ZRANB3: variants seen among roughly 807,000 people sequenced by gnomAD.
ZRANB3 encodes the protein DNA annealing helicase and endonuclease ZRANB3.
Under a neutral mutation model 133.8 loss-of-function variants are expected in ZRANB3, and 125 were observed. The ratio of observed to expected loss-of-function variants is 0.93; its 90% CI spans 0.81 to 1.08. ZRANB3 has a LOEUF of 1.08. ZRANB3 is among the 50% of genes least tolerant of loss of function. ZRANB3 has a pLI of 0.00. For synonymous variants in ZRANB3, 387 were observed against 432.7 expected (o/e 0.89, Z 1.31); for missense variants, 1,229 against 1,275.5 (o/e 0.96, Z 0.56).
intron 3 of ZRANB3, among the ~76,000 whole-genome samples, chr2:135,386,736 A>G (rs1005794535): frequency 1.3e-5 from 2 of 152,206 alleles, no homozygotes; most frequent in African/African-American, 2.4e-5. Flanking sequence ...GCAAACTATC[A>G]CAAAGACAGA....
intron 6 of ZRANB3, among the ~76,000 whole-genome samples, chr2:135,336,012 T>C (rs557290914): frequency 9.8e-5 from 15 of 152,320 alleles, no homozygotes; most frequent in South Asian, 8.3e-4. Context: ...GCTTTAACAA[T>C]TGATCATTCA....
chr2:135,253,634 C>T (rs1003417291), intron 12 of ZRANB3, among the ~76,000 whole-genome samples: 1 of 152,156 alleles, frequency 6.6e-6, no homozygotes, highest in Non-Finnish European at 1.5e-5. Flanking sequence ...GTACTGAATA[C>T]TATAGGTAAC....
chr2:135,522,039 T>C (rs1396468590), intron 1 of ZRANB3, among the ~76,000 whole-genome samples: 1 of 152,128 alleles, frequency 6.6e-6, no homozygotes, highest in African/African-American at 2.4e-5. Flanking sequence ...ATGCCACAGG[T>C]TGCTCAGGGA....
At chr2:135,471,921 T>C (rs1274640443) in intron 2 of ZRANB3, among the ~76,000 whole-genome samples, 1 of 152,228 alleles carries the variant, frequency 6.6e-6, no homozygotes, top group Non-Finnish European at 1.5e-5. Context: ...TTGAATTATT[T>C]ATCATGAAGA....
chr2:135,405,442 A>C (rs1483309029), intron 2 of ZRANB3, among the ~76,000 whole-genome samples: 6 of 152,188 alleles, frequency 3.9e-5, no homozygotes, highest in African/African-American at 1.4e-4. Context: ...ATATCCAGGA[A>C]TTAAATACAG....
intron 8 of ZRANB3, among the ~76,000 whole-genome samples, chr2:135,291,823 C>T (rs1054061255): frequency 2.0e-5 from 3 of 151,638 alleles, no homozygotes; most frequent in Non-Finnish European, 4.4e-5. Context: ...TCAATTCCCA[C>T]CTATGAGTGA....
rs140110580 is a variant in ZRANB3 at position 135,394,271 on chromosome 2, T to A, written c.162-3451A>T. On this transcript the variant is annotated intron_variant, in intron 2 of 20. Transcript: ENST00000264159. ...AATTACACCACTAAAGCAAACCATT[T>A]CAGTAAAAATACCTGAGAAAATAAC... Among the ~76,000 whole-genome samples, 22 of 152,296 alleles carry A rather than the reference T, an allele frequency of 1.4e-4. No individual in the cohort carries two copies. In the East Asian group the frequency reaches 4.2e-3, roughly 29 times the overall value.
chr2:135,224,541 C>A (rs1254371985), intron 14 of ZRANB3, 24 bp from the exon 15 acceptor site: 1 of 1,578,412 alleles, frequency 6.3e-7, no homozygotes, highest in East Asian at 2.2e-5. Flanking sequence ...CAAAAGAGAA[C>A]CTGAAGGCTT....
chr2:135,232,652 A>C lies in ZRANB3; in HGVS notation c.1540-1725T>G, dbSNP rs563722295. ...GCTGTTCACCAATATCCGCTGTTCT[A>C]CAGCCTCTGCTTCTGATACCCAGGC... On this transcript the variant is annotated intron_variant, in intron 12 of 20. Coordinates refer to ENST00000264159, the MANE Select transcript of ZRANB3 (RefSeq NM_032143.4). Among the ~76,000 whole-genome samples, 35 of 152,302 alleles carry C rather than the reference A, an allele frequency of 2.3e-4. No individual in the cohort carries two copies. In the South Asian group the frequency reaches 6.4e-3, roughly 28 times the overall value.
chr2:135,428,895 TG>T (rs1393959037), intron 2 of ZRANB3, among the ~76,000 whole-genome samples: 2 of 152,116 alleles, frequency 1.3e-5, no homozygotes, highest in Non-Finnish European at 2.9e-5. Flanking sequence ...CAGATGCTGG[TG>T]GGGTTGAAGA....
rs953683767 is a variant in ZRANB3, at chr2:135,198,048, C to T, written c.*2294G>A. ...TCAGAGCCAGGCCTATCCTTTTACA[C>T]TCATTGTACCCACCTGTGTTTTCAC... On this transcript the variant is annotated 3_prime_UTR_variant, in exon 21 of 21. Transcript: ENST00000264159. 5.3e-5 allele frequency: 8 copies of T among 152,274 alleles called. No individual in the cohort carries two copies. Among genetic ancestry groups the T allele is most frequent in the African/African-American group, 1.9e-4 (8 of 41,454 alleles). The allele number at this position is 152,274 out of a possible 1,614,324, so 9.4% of individuals were successfully genotyped here.
intron 8 of ZRANB3, among the ~76,000 whole-genome samples, chr2:135,293,557 TTCC>T (rs1323129998): frequency 6.6e-6 from 1 of 152,194 alleles, no homozygotes; most frequent in Non-Finnish European, 1.5e-5. Context: ...ACAATTTGAC[TTCC>T]TCTTTTCCTA....
At chr2:135,522,003 C>T (rs1482034542) in intron 1 of ZRANB3, among the ~76,000 whole-genome samples, 1 of 152,140 alleles carries the variant, frequency 6.6e-6, no homozygotes, top group East Asian at 1.9e-4. Context: ...TGTCTTTATG[C>T]TCCTAGAGCA....
intron 6 of ZRANB3, among the ~76,000 whole-genome samples, chr2:135,335,065 T>C (rs547734373): frequency 6.6e-6 from 1 of 152,256 alleles, no homozygotes; most frequent in South Asian, 2.1e-4. Context: ...ATTAGCTATT[T>C]ATCCTGATGC....
Position 135,353,601 on chromosome 2 carries a change from T to A in ZRANB3, c.208A>T (p.Ile70Phe). 6.3e-7 allele frequency: 1 copy of A among 1,585,106 alleles called. No homozygotes were observed. The highest frequency in any genetic ancestry group is 2.3e-5 in the East Asian group (1 of 44,154). Residue 70 changes from isoleucine to phenylalanine, a missense_variant, in exon 4 of 21, where the codon ATT (isoleucine) becomes TTT (phenylalanine). Physicochemically the swap from Ile to Phe is conservative, Grantham distance 21. Coordinates refer to ENST00000264159, the MANE Select transcript of ZRANB3 (RefSeq NM_032143.4). ...TCTTTATAGAAGTAAGTAATTCCAA[T>A]TGCCTGGATTGTCTTTCCTAGACCC... ...EMGLGKTIQA[I>F]GITYFYKEEW...
chr2:135,413,134 T>C (rs1036487424), intron 2 of ZRANB3, among the ~76,000 whole-genome samples: 6 of 152,176 alleles, frequency 3.9e-5, no homozygotes, highest in African/African-American at 1.4e-4. Context: ...TTCTCCTCTT[T>C]CTTCCCTATT....
intron 2 of ZRANB3, among the ~76,000 whole-genome samples, chr2:135,486,077 C>T (rs1304794148): frequency 6.6e-6 from 1 of 152,100 alleles, no homozygotes; most frequent in African/African-American, 2.4e-5. Flanking sequence ...GCTGACTAAT[C>T]AAGGTGGTGG....
intron 8 of ZRANB3, among the ~76,000 whole-genome samples, chr2:135,279,950 T>C (rs774861555): frequency 6.6e-6 from 1 of 152,220 alleles, no homozygotes; most frequent in Non-Finnish European, 1.5e-5. Flanking sequence ...GGGGATTACA[T>C]AGATTTTCAT....
intron 2 of ZRANB3, among the ~76,000 whole-genome samples, chr2:135,462,006 G>C (rs1210609076): frequency 6.6e-6 from 1 of 152,204 alleles, no homozygotes; most frequent in Non-Finnish European, 1.5e-5. Context: ...GTGCGGGATA[G>C]AGTTGGACTA....
Sources: allele counts gnomAD v4.1 joint callset (sites outside exome capture counted in the v4.1 genomes callset), GRCh38; gene constraint gnomAD v4.1.1; transcripts MANE v1.5; gene names NCBI Gene and HGNC (gene_info 2026-07-23, HGNC 2026-07-21).